Variants in PRKCQ observed in about 807,000 individuals in gnomAD.
The protein encoded by PRKCQ is protein kinase C theta type.
A neutral mutation model predicts 91.2 loss-of-function variants in PRKCQ; 41 were observed. The observed-to-expected ratio is 0.45, with a 90% CI of 0.35 to 0.58. The LOEUF is 0.58. Ranked by LOEUF, PRKCQ falls within the 20% of genes least tolerant of loss-of-function variation. The probability of loss-of-function intolerance (pLI) is 0.00; values close to 1 mark genes in which losing one functional copy is unlikely to be tolerated. For synonymous variants in PRKCQ, 307 were observed against 316.9 expected (o/e 0.97, Z 0.33); for missense variants, 673 against 896.5 (o/e 0.75, Z 3.18).
chr10:6,514,714 A>T (rs892821504), intron 2 of PRKCQ, among the ~76,000 whole-genome samples: 8 of 152,226 alleles, frequency 5.3e-5, no homozygotes, highest in Admixed American at 3.9e-4. Flanking sequence ...TCAGCTCATT[A>T]GAGTTCCTTC....
chr10:6,419,195 C>T, the PRKCQ span, among the ~76,000 whole-genome samples: 1 of 146,458 alleles, frequency 6.8e-6, no homozygotes, highest in South Asian at 2.1e-4. Context: ...ATCTCTCTAT[C>T]TCTCTATTTG....
intron 12 of PRKCQ, among the ~76,000 whole-genome samples, chr10:6,471,212 AC>A (rs1390083972): frequency 6.6e-6 from 1 of 151,374 alleles, no homozygotes; most frequent in Non-Finnish European, 1.5e-5. Flanking sequence ...GGCAAATGAA[AC>A]AAAAGAAAAG....
chr10:6,520,503 T>C lies in PRKCQ; in HGVS notation c.-9-5359A>G, dbSNP rs552204483. On this transcript the variant is annotated intron_variant, in intron 1 of 17. Coordinates refer to ENST00000263125, the MANE Select transcript of PRKCQ (RefSeq NM_006257.5). ...CAAAACTGCTGCTGTTTCTCCAATG[T>C]GCCATGTGTTTCACAGCTTCAGCCT... Among the ~76,000 whole-genome samples, 5 of 152,344 alleles carry C rather than the reference T, an allele frequency of 3.3e-5. 1 individual carries two copies. The highest frequency in any genetic ancestry group is 3.3e-4 in the Admixed American group (5 of 15,308).
intron 16 of PRKCQ, among the ~76,000 whole-genome samples, chr10:6,441,498 C>T (rs1180651832): frequency 6.6e-6 from 1 of 151,580 alleles, no homozygotes; most frequent in Admixed American, 6.6e-5. Flanking sequence ...AGACAGGGGT[C>T]TCGATACATT....
intron 1 of PRKCQ, among the ~76,000 whole-genome samples, chr10:6,518,595 G>A (rs1838867360): frequency 1.3e-5 from 2 of 152,184 alleles, no homozygotes; most frequent in South Asian, 4.1e-4. Flanking sequence ...GCCAAGGCGA[G>A]GAGATCACTT....
the PRKCQ span, among the ~76,000 whole-genome samples, chr10:6,406,347 A>G: frequency 1.3e-5 from 2 of 152,030 alleles, no homozygotes; most frequent in African/African-American, 4.8e-5. Context: ...TAAAGTAGGA[A>G]AAATTTGCAC....
the PRKCQ span, among the ~76,000 whole-genome samples, chr10:6,399,543 C>G: frequency 6.6e-6 from 1 of 151,500 alleles, no homozygotes. Flanking sequence ...GGTTGAATAG[C>G]CACCCTGGAG....
chr10:6,452,706 T>C (rs1281615138), intron 15 of PRKCQ, among the ~76,000 whole-genome samples: 1 of 150,432 alleles, frequency 6.6e-6, no homozygotes, highest in Non-Finnish European at 1.5e-5. Flanking sequence ...AACAGCATGG[T>C]ACTGGTACCA....
chr10:6,470,872 A>T (rs1835921094), intron 12 of PRKCQ, among the ~76,000 whole-genome samples: 1 of 151,504 alleles, frequency 6.6e-6, no homozygotes, highest in Non-Finnish European at 1.5e-5. Flanking sequence ...AATCACTTGA[A>T]CCCAGGAGGT....
intron 3 of PRKCQ, 84 bp from the exon 4 acceptor site, chr10:6,507,580 A>G: frequency 1.7e-6 from 2 of 1,185,318 alleles, no homozygotes; most frequent in South Asian, 1.2e-5. Flanking sequence ...TGACGATGGC[A>G]GGAGATTTCC....
At chr10:6,487,528 G>A (rs1448150669) in intron 8 of PRKCQ, among the ~76,000 whole-genome samples, 1 of 152,134 alleles carries the variant, frequency 6.6e-6, no homozygotes, top group African/African-American at 2.4e-5. Flanking sequence ...ATTCTAGCTT[G>A]GGGATCCTAC....
intron 1 of PRKCQ, among the ~76,000 whole-genome samples, chr10:6,522,243 CT>C (rs1241967743): frequency 2.0e-5 from 3 of 152,112 alleles, no homozygotes; most frequent in African/African-American, 7.2e-5. Flanking sequence ...CGCCCGGCCC[CT>C]ATGTACTTTA....
At chr10:6,522,153 G>T (rs1259235134) in intron 1 of PRKCQ, among the ~76,000 whole-genome samples, 1 of 151,974 alleles carries the variant, frequency 6.6e-6, no homozygotes, top group Non-Finnish European at 1.5e-5. Context: ...TGCTGGCTAG[G>T]CTGGTCTTGA....
chr10:6,433,568 T>C (rs1191672795), intron 16 of PRKCQ, among the ~76,000 whole-genome samples: 1 of 152,130 alleles, frequency 6.6e-6, no homozygotes, highest in East Asian at 1.9e-4. Context: ...AAGCACCAAG[T>C]TCACGGTAAG....
At chr10:6,541,739 C>T (rs1177074781) in intron 1 of PRKCQ, among the ~76,000 whole-genome samples, 4 of 152,088 alleles carry the variant, frequency 2.6e-5, no homozygotes, top group African/African-American at 9.7e-5. Flanking sequence ...ATAATTCAAG[C>T]CCATTTCTCT....
At chr10:6,570,112 G>C (rs1840984090) in intron 1 of PRKCQ, among the ~76,000 whole-genome samples, 1 of 152,168 alleles carries the variant, frequency 6.6e-6, no homozygotes, top group African/African-American at 2.4e-5. Context: ...AATGTCCCAG[G>C]ATGCATGTGT....
At chr10:6,494,644 A>C (rs1296173994) in intron 7 of PRKCQ, among the ~76,000 whole-genome samples, 2 of 152,112 alleles carry the variant, frequency 1.3e-5, no homozygotes, top group African/African-American at 2.4e-5. Context: ...GTGTAGGAGG[A>C]GCGGTCTCTG....
intron 1 of PRKCQ, among the ~76,000 whole-genome samples, chr10:6,531,957 G>A (rs1839413767): frequency 6.6e-6 from 1 of 152,208 alleles, no homozygotes; most frequent in Non-Finnish European, 1.5e-5. Context: ...GAAGGGATTA[G>A]GAGCCAGTTC....
chr10:6,570,990 C>T (rs1364433720), intron 1 of PRKCQ, among the ~76,000 whole-genome samples: 1 of 152,084 alleles, frequency 6.6e-6, no homozygotes, highest in East Asian at 1.9e-4. Context: ...CTCAGGGAAG[C>T]AGGAGGCAAG....
Sources: gnomAD v4.1 joint callset for allele counts (sites outside exome capture counted in the v4.1 genomes callset) on GRCh38, gnomAD v4.1.1 for gene constraint, MANE v1.5 for transcripts, NCBI Gene and HGNC (gene_info 2026-07-23, HGNC 2026-07-21) for gene names.